The following ICMT variants were observed in gnomAD, a reference collection of about 807,000 sequenced individuals.
ICMT encodes the protein isoprenylcysteine carboxyl methyltransferase, also known as protein-S-isoprenylcysteine O-methyltransferase.
ICMT carries 10 observed loss-of-function variants against 32.2 expected under a neutral mutation model. That is an observed-to-expected ratio of 0.31 (90% CI 0.19 to 0.53). ICMT has a LOEUF of 0.53. Among genes scored for constraint, ICMT ranks in the 20% least tolerant of loss-of-function variants. The probability of loss-of-function intolerance (pLI) is 0.96; values close to 1 mark genes in which losing one functional copy is unlikely to be tolerated. For synonymous variants in ICMT, 183 were observed against 158.2 expected (o/e 1.16, Z -1.18); for missense variants, 265 against 356.9 (o/e 0.74, Z 2.07).
chr1:6,233,450 G>T (rs775874183), intron 3 of ICMT, 24 bp downstream of exon 3: 2 of 1,604,854 alleles, frequency 1.2e-6, no homozygotes, highest in Admixed American at 3.4e-5. Flanking sequence ...TTCCCCTCCA[G>T]AGGGGGACAT....
chr1:6,232,148 G>C (rs767258598), intron 3 of ICMT, 29 bp from the exon 4 acceptor site: 5 of 1,567,138 alleles, frequency 3.2e-6, no homozygotes, highest in Non-Finnish European at 4.4e-6. Context: ...AACGACACAC[G>C]GGGAGTGAAA....
chr1:6,231,810 G>A (rs1359634232), intron 4 of ICMT, 92 bp downstream of exon 4: 2 of 804,546 alleles, frequency 2.5e-6, no homozygotes, highest in African/African-American at 1.8e-5. Flanking sequence ...TGTATATTTT[G>A]AAATGGTGAC....
chr1:6,224,216 C>T lies in ICMT; in HGVS notation c.*864G>A. On this transcript the variant is annotated 3_prime_UTR_variant, in exon 5 of 5. Coordinates refer to ENST00000343813, the MANE Select transcript of ICMT (RefSeq NM_012405.4). ...CCCAAATAAACGGAGAGCAGCACTT[C>T]TCAATGTTTAAGGCCACGCACAGGG... is the stretch of plus-strand genomic sequence containing the variant. 6.6e-6 allele frequency: 1 copy of T among 152,202 alleles called. No individual in the cohort carries two copies. Among genetic ancestry groups the T allele is most frequent in the East Asian group, 1.9e-4 (1 of 5,194 alleles). The allele number at this position is 152,202 out of a possible 1,614,324, so 9.4% of individuals were successfully genotyped here. A position where few individuals can be genotyped will look rare whatever the true frequency, so the allele number is the denominator to read the frequency against.
At position 6,235,951 on chromosome 1, in the gene ICMT, T is replaced by TAGCCCAGAGAAACGCGCCGGCTGC; in HGVS notation, c.-41_-40insGCAGCCGGCGCGTTTCTCTGGGCT. Reference sequence around the variant, plus strand: ...GACTAGCGGGCGGCGGCGCCGGCTGTAGCCCGGAGAAACGCGCCGGCTGCG... The same window carrying TAGCCCAGAGAAACGCGCCGGCTGC: ...GACTAGCGGGCGGCGGCGCCGGCTGTAGCCCAGAGAAACGCGCCGGCTGCAGCCCGGAGAAACGCGCCGGCTGCG... On this transcript the variant is annotated 5_prime_UTR_variant, in exon 1 of 5. Coordinates refer to ENST00000343813, the MANE Select transcript of ICMT (RefSeq NM_012405.4). 1 of 1,026,546 alleles carries TAGCCCAGAGAAACGCGCCGGCTGC rather than the reference T, an allele frequency of 9.7e-7. No individual in the cohort carries two copies. Among genetic ancestry groups the TAGCCCAGAGAAACGCGCCGGCTGC allele is most frequent in the Non-Finnish European group, 1.2e-6 (1 of 842,388 alleles). The allele number at this position is 1,026,546 out of a possible 1,614,324, so 63.6% of individuals were successfully genotyped here.
Position 6,221,267 on chromosome 1 carries a change from A to G in ICMT, c.*3813T>C, listed in dbSNP as rs1171233659. ...GTATCTGTGAAAGAAAATCCAATTT[A>G]GAATATTTAAATAAACATTTATGTA... On this transcript the variant is annotated 3_prime_UTR_variant, in exon 5 of 5. Transcript: ENST00000343813. The G allele has an allele frequency of 6.5e-6, 1 of 152,682 alleles. No homozygotes were observed. Among genetic ancestry groups the G allele is most frequent in the Non-Finnish European group, 1.5e-5 (1 of 68,048 alleles). 9.5% of individuals were successfully genotyped at this position (152,682 alleles called of 1,614,324 possible).
chr1:6,224,926 G>A lies in ICMT; in HGVS notation c.*154C>T. 1.4e-6 allele frequency: 1 copy of A among 728,388 alleles called. No homozygotes were observed. The allele number at this position is 728,388 out of a possible 1,614,324, so 45.1% of individuals were successfully genotyped here. A position where few individuals can be genotyped will look rare whatever the true frequency, so the allele number is the denominator to read the frequency against. ...CTCCAGTGGGGCCTTGGGTCCTCAG[G>A]CCTTCTGACCGCTTGGTCTTGAGTG... On this transcript the variant is annotated 3_prime_UTR_variant, in exon 5 of 5. Transcript: ENST00000343813.
At position 6,235,797 on chromosome 1, in the gene ICMT, GC is replaced by G; in HGVS notation, c.114del (p.Gln39ArgfsTer28). On this transcript the variant is annotated frameshift_variant, in exon 1 of 5. Transcript: ENST00000343813. LOFTEE classifies it high-confidence loss of function. ...LALPLLTRAG[L>X]QGRTGLALYV... ...TAGAGCGCCAGCCCGGTGCGGCCCT[GC>G]AGGCCGGCGCGCGTGAGCAGCGGCA... The G allele has an allele frequency of 7.5e-7, 1 of 1,326,824 alleles. No homozygotes were observed. The highest frequency in any genetic ancestry group is 9.7e-7 in the Non-Finnish European group (1 of 1,029,374). The allele number at this position is 1,326,824 out of a possible 1,614,324, so 82.2% of individuals were successfully genotyped here.
chr1:6,235,085 G>C (rs1668799628), intron 1 of ICMT, 111 bp from the exon 2 acceptor site: 1 of 821,648 alleles, frequency 1.2e-6, no homozygotes, highest in Admixed American at 2.1e-5. Context: ...GAGCCGATTT[G>C]CTGAGGTTGA....
intron 1 of ICMT, among the ~76,000 whole-genome samples, chr1:6,235,469 C>A (rs1668807860): frequency 6.6e-6 from 1 of 152,158 alleles, no homozygotes; most frequent in Non-Finnish European, 1.5e-5. Flanking sequence ...TAAAAGCACT[C>A]GCGGGCTCGC....
In ICMT at chr1:6,222,884, T is replaced by G. The variant is rs1057389917; in HGVS notation, c.*2196A>C. 14 of 152,282 alleles carry G rather than the reference T, an allele frequency of 9.2e-5. No individual in the cohort carries two copies. The highest frequency in any genetic ancestry group is 3.4e-4 in the African/African-American group (14 of 41,472). The allele number at this position is 152,282 out of a possible 1,614,324, so 9.4% of individuals were successfully genotyped here. On this transcript the variant is annotated 3_prime_UTR_variant, in exon 5 of 5. Transcript: ENST00000343813. ...GAATCTAACTACATCCTCTCCCGGT[T>G]TGCAGTTCTAGGAAGTGGAATTTGC... is the stretch of plus-strand genomic sequence containing the variant.
chr1:6,232,696 G>A (rs1482446370), intron 3 of ICMT, among the ~76,000 whole-genome samples: 2 of 152,118 alleles, frequency 1.3e-5, no homozygotes, highest in South Asian at 2.1e-4. Context: ...TTACAGGCAT[G>A]CACTACCAGG....
rs1668771075 is a variant in ICMT at position 6,233,638 on chromosome 1, A to G, written c.290T>C (p.Met97Thr). ...ATAGTGGAACAATGACAGGGAGCAC[A>G]TGTACCTATTTAAAGACAAAAAGAG... The part of the protein sequence containing the change: ...QSSWSHFGWY[M>T]CSLSLFHYSE... Residue 97 changes from methionine to threonine, a missense_variant, in exon 3 of 5, where the codon ATG becomes ACG. By Grantham distance (81) the Met-to-Thr change is moderately conservative. Around this residue, in one of 2 missense-constraint regions of ICMT, gnomAD observed 166 missense variants for 264.3 expected, o/e 0.63. Coordinates refer to ENST00000343813, the MANE Select transcript of ICMT (RefSeq NM_012405.4). The G allele has an allele frequency of 1.9e-6, 3 of 1,609,918 alleles. No individual in the cohort carries two copies. Among genetic ancestry groups the G allele is most frequent in the Non-Finnish European group, 2.5e-6 (3 of 1,178,702 alleles).
chr1:6,234,636 C>G (rs1052102279), intron 2 of ICMT: 20 of 538,394 alleles, frequency 3.7e-5, no homozygotes, highest in Middle Eastern at 4.0e-4. Context: ...GTCACCACAG[C>G]TGCGGATGAC....
rs977474492 is a variant in ICMT at position 6,234,364 on chromosome 1, G to A, written c.284+522C>T. 29 of 415,622 alleles carry A rather than the reference G, an allele frequency of 7.0e-5. No individual in the cohort carries two copies. In the Admixed American group the frequency reaches 9.1e-4, roughly 13 times the overall value. The allele number at this position is 415,622 out of a possible 1,614,324, so 25.7% of individuals were successfully genotyped here. On this transcript the variant is annotated intron_variant, in intron 2 of 4. Coordinates refer to ENST00000343813, the MANE Select transcript of ICMT (RefSeq NM_012405.4). Reference sequence around the variant, plus strand: ...AAATAATTCCGGCAAAGAAGGATTAGATGGCTCAAAATATTGATAAGAGGA... The same window carrying A: ...AAATAATTCCGGCAAAGAAGGATTAAATGGCTCAAAATATTGATAAGAGGA...
intron 4 of ICMT, among the ~76,000 whole-genome samples, chr1:6,229,866 CTTTTTCTT>C (rs1320052587): frequency 1.3e-5 from 2 of 151,614 alleles, no homozygotes; most frequent in Non-Finnish European, 2.9e-5. Flanking sequence ...CCTTACACTT[CTTTTTCTT>C]TTTTTCTTTT....
chr1:6,230,862 C>G (rs1427824506), intron 4 of ICMT, among the ~76,000 whole-genome samples: 1 of 149,484 alleles, frequency 6.7e-6, no homozygotes, highest in East Asian at 2.0e-4. Flanking sequence ...GCACTCCAGC[C>G]TGGGCAACAG....
intron 4 of ICMT, among the ~76,000 whole-genome samples, chr1:6,227,072 T>C (rs1261206544): frequency 2.6e-5 from 4 of 152,210 alleles, no homozygotes; most frequent in African/African-American, 7.2e-5. Context: ...ATGAACAGTA[T>C]TGAAATAATA....
intron 4 of ICMT, 22 bp from the exon 5 acceptor site, chr1:6,225,284 C>CTCA: frequency 6.2e-7 from 1 of 1,607,214 alleles, no homozygotes; most frequent in Admixed American, 1.7e-5. Flanking sequence ...AGACACCAGG[C>CTCA]TCATCAGGGT....
chr1:6,225,327 C>A, intron 4 of ICMT, 65 bp from the exon 5 acceptor site: 1 of 1,481,912 alleles, frequency 6.7e-7, no homozygotes, highest in Non-Finnish European at 9.3e-7. Context: ...CTTTGGTAGG[C>A]GTCTGTCTCT....
Sources: gnomAD v4.1 joint callset for allele counts (sites outside exome capture counted in the v4.1 genomes callset) on GRCh38, gnomAD v4.1.1 for gene constraint, gnomAD v4.1.1 regional missense constraint, MANE v1.5 for transcripts, NCBI Gene and HGNC (gene_info 2026-07-23, HGNC 2026-07-21) for gene names.